Variants in FBXO34 observed in about 807,000 individuals in gnomAD.
FBXO34 encodes the protein F-box protein 34.
In FBXO34, 12 loss-of-function variants were observed where a neutral mutation model predicts 24.5. That is an observed-to-expected ratio of 0.49 (90% confidence interval 0.31 to 0.79). FBXO34 has a LOEUF of 0.79. FBXO34 is among the 30% of genes least tolerant of loss of function. The pLI, the probability that FBXO34 is intolerant of heterozygous loss-of-function variation, is 0.04. For missense variants in FBXO34, 823 were observed against 857.7 expected, an observed-to-expected ratio of 0.96 and a Z score of 0.51; for synonymous variants, 320 against 311.9, an observed-to-expected ratio of 1.03 and a Z score of -0.27.
chr14:55,280,674 C>T (rs1000611651), intron 1 of FBXO34, among the ~76,000 whole-genome samples: 2 of 151,886 alleles, frequency 1.3e-5, no homozygotes, highest in African/African-American at 4.8e-5. Context: ...CTACAGGTGC[C>T]CGCCACCTCG....
At chr14:55,402,964 T>TATATATATATATAA in the FBXO34 span, among the ~76,000 whole-genome samples, 10 of 59,758 alleles carry the variant, frequency 1.7e-4, no homozygotes, top group Admixed American at 2.4e-4. Context: ...TATATATATA[T>TATATATATATATAA]ATATAAATAG....
At chr14:55,294,512 C>T (rs1021417043) in intron 1 of FBXO34, among the ~76,000 whole-genome samples, 1 of 152,152 alleles carries the variant, frequency 6.6e-6, no homozygotes, top group Non-Finnish European at 1.5e-5. Context: ...CTTGGCCTCC[C>T]AGAGTGTTGG....
intron 1 of FBXO34, among the ~76,000 whole-genome samples, chr14:55,278,869 T>C (rs1228916552): frequency 6.6e-6 from 1 of 152,146 alleles, no homozygotes; most frequent in African/African-American, 2.4e-5. Context: ...AAATTTTTTG[T>C]AGAGATGAGG....
At chr14:55,372,887 G>A (rs947957044), downstream of FBXO34, among the ~76,000 whole-genome samples, 4 of 152,294 alleles carry the variant, frequency 2.6e-5, no homozygotes, top group African/African-American at 4.8e-5. Flanking sequence ...CACCTGGCAC[G>A]GAGCAGGCGC....
downstream of FBXO34, among the ~76,000 whole-genome samples, chr14:55,373,821 G>C (rs1231087188): frequency 6.9e-6 from 1 of 144,182 alleles, no homozygotes. Context: ...AAAAAAAAAA[G>C]TTTATCTTTT....
intron 1 of FBXO34, among the ~76,000 whole-genome samples, chr14:55,296,655 C>G (rs933129862): frequency 2.6e-5 from 4 of 151,964 alleles, no homozygotes; most frequent in Non-Finnish European, 4.4e-5. Flanking sequence ...CTTGGTCTCC[C>G]AAAGTGCTGG....
chr14:55,285,465 G>A (rs191473908), intron 1 of FBXO34: 2 of 152,252 alleles, frequency 1.3e-5, no homozygotes, highest in Admixed American at 1.3e-4. Context: ...TGGAAACAGA[G>A]CAGGTCAAAA....
At position 55,351,153 on chromosome 14, in the gene FBXO34, C is replaced by T. The variant is rs1884351757; in HGVS notation, c.763C>T (p.Pro255Ser). ...TGCAGTGTCTGAGTCCTATTCTGCC[C>T]CAGGAGCTTGTGAAGAACCCACAGA... is the stretch of plus-strand genomic sequence containing the variant. The part of the protein sequence containing the change: ...VPAVSESYSA[P>S]GACEEPTERG... Residue 255 changes from proline (P) to serine (S), a missense_variant, in exon 2 of 2, where the codon CCA (proline) becomes TCA (serine). This residue lies in a region of FBXO34 where 693 missense variants were observed against 659.1 expected (regional missense o/e 1.05). Coordinates refer to ENST00000313833, the MANE Select transcript of FBXO34 (RefSeq NM_017943.4). 6.2e-7 allele frequency: 1 copy of T among 1,614,024 alleles called. No homozygotes were observed. The highest frequency in any genetic ancestry group is 1.7e-5 in the Admixed American group (1 of 59,998).
At chr14:55,395,753 A>G in the FBXO34 span, among the ~76,000 whole-genome samples, 3 of 152,234 alleles carry the variant, frequency 2.0e-5, no homozygotes, top group Non-Finnish European at 4.4e-5. Flanking sequence ...CAATGGCTCC[A>G]TAATTAATTG....
chr14:55,320,443 C>T (rs1883090442), intron 1 of FBXO34, among the ~76,000 whole-genome samples: 1 of 152,128 alleles, frequency 6.6e-6, no homozygotes, highest in Non-Finnish European at 1.5e-5. Context: ...TTTGCTAATA[C>T]TGGGTGCTTT....
chr14:55,350,429 G>T lies in FBXO34; in HGVS notation c.39G>T (p.Glu13Asp). 6.3e-7 allele frequency: 1 copy of T among 1,599,894 alleles called. No individual in the cohort carries two copies. The highest frequency in any genetic ancestry group is 2.2e-5 in the East Asian group (1 of 44,810). Reference protein sequence around the residue: ...LKPYWKLQKKEHPPEVSRETQ... With the variant: ...LKPYWKLQKKDHPPEVSRETQ... ...CATATTGGAAGCTCCAGAAGAAAGA[G>T]CACCCCCCGGAAGTCAGCAGGGAAA... The change falls in exon 2 of 2, where the codon GAG (glutamate) becomes GAT (aspartate). Residue 13 changes from glutamate (E) to aspartate (D), a missense_variant. Transcript: ENST00000313833.
At chr14:55,382,903 AT>A in the FBXO34 span, among the ~76,000 whole-genome samples, 1,424 of 152,360 alleles carry the variant, frequency 9.3e-3, 32 homozygotes, top group African/African-American at 0.033. Context: ...AATATAAATA[AT>A]TCATTCAAAA....
intron 1 of FBXO34, among the ~76,000 whole-genome samples, chr14:55,347,386 G>A (rs968277884): frequency 2.6e-5 from 4 of 152,114 alleles, no homozygotes; most frequent in Non-Finnish European, 5.9e-5. Flanking sequence ...GGCCATCACT[G>A]GTTTCAAACA....
the FBXO34 span, among the ~76,000 whole-genome samples, chr14:55,412,808 A>C: frequency 3.3e-5 from 5 of 152,144 alleles, no homozygotes; most frequent in African/African-American, 1.2e-4. Flanking sequence ...GTGACATTCC[A>C]GGACACCACA....
At chr14:55,369,739 G>C, downstream of FBXO34, 1 of 1,614,000 alleles carries the variant, frequency 6.2e-7, no homozygotes, top group Middle Eastern at 1.6e-4. Flanking sequence ...GACTCTGGGA[G>C]ACTTCCACAG....
At chr14:55,441,632 G>A in the FBXO34 span, among the ~76,000 whole-genome samples, 1 of 152,198 alleles carries the variant, frequency 6.6e-6, no homozygotes, top group Non-Finnish European at 1.5e-5. Context: ...CACAGTTAGG[G>A]TTGAGGAAAT....
At chr14:55,422,913 GAA>G in the FBXO34 span, among the ~76,000 whole-genome samples, 14 of 151,834 alleles carry the variant, frequency 9.2e-5, no homozygotes, top group African/African-American at 3.4e-4. Context: ...GAATGACATA[GAA>G]AAGAGTCTGA....
At chr14:55,348,696 C>T (rs1333175566) in intron 1 of FBXO34, among the ~76,000 whole-genome samples, 1 of 152,194 alleles carries the variant, frequency 6.6e-6, no homozygotes, top group Non-Finnish European at 1.5e-5. Context: ...TTTTAAAAAA[C>T]ACTTTGTATG....
chr14:55,396,994 T>C, the FBXO34 span, among the ~76,000 whole-genome samples: 4 of 152,318 alleles, frequency 2.6e-5, no homozygotes, highest in East Asian at 7.7e-4. Context: ...GCAGACCATA[T>C]GTTGTAAAAT....
Sources: allele counts gnomAD v4.1 joint callset (sites outside exome capture counted in the v4.1 genomes callset), GRCh38; gene constraint gnomAD v4.1.1; regional missense constraint gnomAD v4.1.1; transcripts MANE v1.5; gene names NCBI Gene and HGNC (gene_info 2026-07-23, HGNC 2026-07-21).